Variants in LYN observed in about 807,000 individuals in gnomAD.
LYN encodes tyrosine-protein kinase Lyn.
LYN carries 12 observed loss-of-function variants against 65.0 expected under a neutral mutation model. That is an observed-to-expected ratio of 0.18 (90% CI 0.12 to 0.30). The LOEUF is 0.30. Ranked by LOEUF, LYN falls within the 10% of genes least tolerant of loss-of-function variation. The pLI is 1.00. For synonymous variants in LYN, 222 were observed against 221.2 expected (o/e 1.00, Z -0.03); for missense variants, 380 against 623.2 (o/e 0.61, Z 4.16).
At chr8:55,909,849 C>T (rs768690000) in intron 1 of LYN, among the ~76,000 whole-genome samples, 1 of 151,994 alleles carries the variant, frequency 6.6e-6, no homozygotes, top group Non-Finnish European at 1.5e-5. Context: ...TTGCATTTTT[C>T]TGATGATTGG....
chr8:55,938,395 C>T (rs1406481875), intron 1 of LYN, among the ~76,000 whole-genome samples: 1 of 152,256 alleles, frequency 6.6e-6, no homozygotes, highest in Non-Finnish European at 1.5e-5. Context: ...CTGCTGACTA[C>T]ATCATCCACA....
At chr8:55,950,985 G>C (rs185556750) in intron 6 of LYN, among the ~76,000 whole-genome samples, 2 of 152,180 alleles carry the variant, frequency 1.3e-5, no homozygotes, top group African/African-American at 4.8e-5. Context: ...GCTCACACCT[G>C]TAATCCTAAC....
rs200107802 is a variant in LYN, at chr8:55,969,772, G to A, written c.1029G>A (p.Lys343=). The part of the protein sequence containing the change: ...SDEGGKVLLP[K]LIDFSAQIAE... ...AAGGTGGCAAAGTGCTGCTTCCAAA[G>A]CTCATTGACTTTTCTGCTCAGGTAA... Residue 343 remains lysine (K), a synonymous_variant, in exon 10 of 13, where the codon AAG becomes AAA. Coordinates refer to ENST00000519728, the MANE Select transcript of LYN (RefSeq NM_002350.4). The A allele has an allele frequency of 3.8e-5, 61 of 1,614,172 alleles. No homozygotes were observed. The highest frequency in any genetic ancestry group is 4.7e-5 in the Non-Finnish European group (56 of 1,179,992).
intron 1 of LYN, among the ~76,000 whole-genome samples, chr8:55,911,283 A>T (rs868477772): frequency 0.031 from 1,390 of 45,328 alleles, 121 homozygotes; most frequent in Non-Finnish European, 0.042. Context: ...ATATATATAT[A>T]TATTTTTTTT....
intron 8 of LYN, among the ~76,000 whole-genome samples, chr8:55,962,601 A>G (rs906991870): frequency 2.0e-5 from 3 of 152,000 alleles, no homozygotes; most frequent in Non-Finnish European, 1.5e-5. Context: ...AGATGCATTC[A>G]TGCTTTTGGG....
chr8:55,911,700 G>C (rs1247028360), intron 1 of LYN, among the ~76,000 whole-genome samples: 2 of 152,084 alleles, frequency 1.3e-5, no homozygotes. Flanking sequence ...CTGCCCTGGA[G>C]ACTGAGGCAG....
At chr8:56,006,964 ATTC>A (rs1189102631) in intron 12 of LYN, among the ~76,000 whole-genome samples, 13 of 152,122 alleles carry the variant, frequency 8.5e-5, no homozygotes, top group Non-Finnish European at 1.8e-4. Context: ...CCTTCTTCCA[ATTC>A]TTCTTATCAA....
intron 12 of LYN, among the ~76,000 whole-genome samples, chr8:56,003,011 C>T (rs898769479): frequency 1.3e-5 from 2 of 151,782 alleles, no homozygotes; most frequent in Non-Finnish European, 2.9e-5. Flanking sequence ...ATGGAATTAT[C>T]TGAAAGTACT....
intron 10 of LYN, among the ~76,000 whole-genome samples, chr8:55,982,765 C>T (rs1807963681): frequency 6.6e-6 from 1 of 152,184 alleles, no homozygotes; most frequent in Non-Finnish European, 1.5e-5. Context: ...TCTGTCCTCT[C>T]CCCTCGAGCC....
At chr8:55,955,483 G>A (rs1044479456) in intron 8 of LYN, among the ~76,000 whole-genome samples, 6 of 152,072 alleles carry the variant, frequency 3.9e-5, no homozygotes, top group African/African-American at 1.4e-4. Context: ...TGCACACTCT[G>A]TTGTCTTCCT....
intron 1 of LYN, among the ~76,000 whole-genome samples, chr8:55,905,660 C>G (rs768269573): frequency 6.6e-6 from 1 of 152,134 alleles, no homozygotes; most frequent in Admixed American, 6.5e-5. Context: ...CCTTTCTTTT[C>G]CTAGTCACCC....
intron 1 of LYN, among the ~76,000 whole-genome samples, chr8:55,909,010 TACAC>T (rs369256669): frequency 0.033 from 1,065 of 32,058 alleles, 66 homozygotes; most frequent in South Asian, 0.062. Flanking sequence ...TATATATATA[TACAC>T]ACACACACAC....
chr8:55,942,297 G>GTGTGTATATATGTGTATATA (rs943931905), intron 2 of LYN, among the ~76,000 whole-genome samples: 1 of 147,408 alleles, frequency 6.8e-6, no homozygotes, highest in East Asian at 2.0e-4. Context: ...ATATATGTGT[G>GTGTGTATATATGTGTATATA]TGTGTATATA....
At chr8:55,915,230 A>G (rs1805750499) in intron 1 of LYN, among the ~76,000 whole-genome samples, 1 of 152,182 alleles carries the variant, frequency 6.6e-6, no homozygotes, top group Non-Finnish European at 1.5e-5. Context: ...ATTCCAACGC[A>G]TAAGGTTCTT....
At chr8:55,967,641 A>G (rs1223189891) in intron 9 of LYN, among the ~76,000 whole-genome samples, 1 of 151,772 alleles carries the variant, frequency 6.6e-6, no homozygotes, top group Non-Finnish European at 1.5e-5. Context: ...TCTAATATTC[A>G]TTTTCCTTTT....
chr8:55,954,074 A>C, intron 8 of LYN, 90 bp downstream of exon 8: 1 of 1,385,000 alleles, frequency 7.2e-7, no homozygotes, highest in South Asian at 1.3e-5. Flanking sequence ...CTTCTGAGCC[A>C]GACACTAAAT....
intron 7 of LYN, among the ~76,000 whole-genome samples, chr8:55,952,903 T>A (rs1806990924): frequency 6.6e-6 from 1 of 152,142 alleles, no homozygotes; most frequent in Non-Finnish European, 1.5e-5. Flanking sequence ...CACTTTGCAG[T>A]CCTGAGAAGC....
rs115163019 is a variant in LYN, at chr8:56,010,731, A to C, written c.*621A>C. 49,747 of 230,582 alleles carry C rather than the reference A, an allele frequency of 0.22. 5,892 individuals are homozygous for C. The highest frequency in any genetic ancestry group is 0.3 in the Middle Eastern group (225 of 758). The allele number at this position is 230,582 out of a possible 1,614,324, so 14.3% of individuals were successfully genotyped here. Reference sequence around the variant, plus strand: ...TCTATGAACACTGCTCAGACCTGCTAGACATGCCATAGGAGTGGCGTGCAC... The same window carrying C: ...TCTATGAACACTGCTCAGACCTGCTCGACATGCCATAGGAGTGGCGTGCAC... On this transcript the variant is annotated 3_prime_UTR_variant, in exon 13 of 13. Transcript: ENST00000519728.
intron 8 of LYN, among the ~76,000 whole-genome samples, chr8:55,958,186 CT>C (rs1006870371): frequency 5.9e-5 from 9 of 152,280 alleles, no homozygotes; most frequent in African/African-American, 2.2e-4. Flanking sequence ...AACATTGGTC[CT>C]TTCTGGGATT....
Sources: allele counts gnomAD v4.1 joint callset (sites outside exome capture counted in the v4.1 genomes callset), GRCh38; gene constraint gnomAD v4.1.1; transcripts MANE v1.5; gene names NCBI Gene and HGNC (gene_info 2026-07-23, HGNC 2026-07-21).